Variants in DDR2 observed in about 807,000 individuals in gnomAD.
The protein encoded by DDR2 is discoidin domain receptor tyrosine kinase 2.
Under a neutral mutation model 94.9 loss-of-function variants are expected in DDR2, and 27 were observed. The observed-to-expected ratio is 0.28, with a 90% CI of 0.21 to 0.39. The LOEUF (loss-of-function observed/expected upper bound fraction) is 0.39. Among genes scored for constraint, DDR2 ranks in the 10% least tolerant of loss-of-function variants. DDR2 has a pLI of 1.00. For synonymous variants in DDR2, 382 were observed against 377.2 expected (o/e 1.01, Z -0.15); for missense variants, 783 against 1,076.0 (o/e 0.73, Z 3.81).
chr1:162,662,750 T>C (rs1470635530), intron 2 of DDR2, among the ~76,000 whole-genome samples: 1 of 152,128 alleles, frequency 6.6e-6, no homozygotes, highest in Non-Finnish European at 1.5e-5. Context: ...GAGTGTTTTA[T>C]AAATATGAAG....
intron 1 of DDR2, among the ~76,000 whole-genome samples, chr1:162,641,631 G>A (rs1657131355): frequency 6.6e-6 from 1 of 152,152 alleles, no homozygotes; most frequent in South Asian, 2.1e-4. Context: ...TTTGTTGTTG[G>A]AAAAATTTTT....
At chr1:162,636,534 A>C (rs867656525) in intron 1 of DDR2, among the ~76,000 whole-genome samples, 1 of 152,152 alleles carries the variant, frequency 6.6e-6, no homozygotes, top group Non-Finnish European at 1.5e-5. Context: ...TGTGAGTGAG[A>C]GGGAGAGGGC....
At position 162,776,674 on chromosome 1, in the gene DDR2, T is replaced by G. The variant is rs562631769; in HGVS notation, c.2283+304T>G. Among the ~76,000 whole-genome samples the G allele has an allele frequency of 2.6e-5, 4 of 152,338 alleles. No homozygotes were observed. In the South Asian group the frequency reaches 6.2e-4, roughly 24 times the overall value. ...TCTTAATTTAAGATATTAAAAACCT[T>G]ATCATTTAAAGAAATGTTACCTATA... On this transcript the variant is annotated intron_variant, in intron 16 of 17. Coordinates refer to ENST00000367921, the MANE Select transcript of DDR2 (RefSeq NM_006182.4).
intron 1 of DDR2, among the ~76,000 whole-genome samples, chr1:162,639,810 T>C (rs1318881588): frequency 6.6e-6 from 1 of 152,176 alleles, no homozygotes; most frequent in Non-Finnish European, 1.5e-5. Context: ...GAAATAGTAC[T>C]TCGAATTCTG....
chr1:162,765,214 G>A (rs1230780932), intron 9 of DDR2, among the ~76,000 whole-genome samples: 5 of 152,056 alleles, frequency 3.3e-5, no homozygotes, highest in Non-Finnish European at 5.9e-5. Context: ...GGGGTCTCTT[G>A]AGCTTTAAAT....
intron 2 of DDR2, among the ~76,000 whole-genome samples, chr1:162,686,668 C>T (rs1349643961): frequency 6.6e-6 from 1 of 152,186 alleles, no homozygotes; most frequent in Non-Finnish European, 1.5e-5. Flanking sequence ...AATAGTGCTG[C>T]AGTAAACATA....
intron 2 of DDR2, among the ~76,000 whole-genome samples, chr1:162,703,570 A>G (rs749702235): frequency 2.0e-5 from 3 of 152,176 alleles, no homozygotes; most frequent in Non-Finnish European, 4.4e-5. Context: ...TAAAAAGGGA[A>G]CAAAATTTAT....
At chr1:162,753,230 C>T (rs376936322) in intron 4 of DDR2, 33 bp downstream of exon 4, 1 of 1,598,868 alleles carries the variant, frequency 6.3e-7, no homozygotes, top group Non-Finnish European at 8.6e-7. Flanking sequence ...AGCCCATGTT[C>T]TGGGGTTGGG....
rs559354868 is a variant in DDR2 at position 162,724,543 on chromosome 1, C to T, written c.82+5398C>T. On this transcript the variant is annotated intron_variant, in intron 3 of 17. Transcript: ENST00000367921. ...CTGCACCAGGTTGTGCCTTTATCAC[C>T]GCTCCCTTGTCTTCCACCAAGACTG... 2.6e-5 allele frequency among the ~76,000 whole-genome samples: 4 copies of T among 152,246 alleles called. No individual in the cohort carries two copies. In the South Asian group the frequency reaches 8.3e-4, roughly 32 times the overall value.
At chr1:162,656,196 C>T (rs1417858572) in intron 2 of DDR2, among the ~76,000 whole-genome samples, 1 of 152,162 alleles carries the variant, frequency 6.6e-6, no homozygotes. Context: ...TCCTTCATGC[C>T]TGTGCCTCTA....
chr1:162,720,759 A>G (rs895997704), intron 3 of DDR2, among the ~76,000 whole-genome samples: 13 of 152,274 alleles, frequency 8.5e-5, no homozygotes, highest in African/African-American at 2.6e-4. Flanking sequence ...TTACCATCCC[A>G]TAGCAGTATA....
intron 1 of DDR2, among the ~76,000 whole-genome samples, chr1:162,634,795 G>C (rs1397901201): frequency 6.6e-6 from 1 of 152,188 alleles, no homozygotes; most frequent in East Asian, 1.9e-4. Flanking sequence ...GTTTAGTCAG[G>C]ACCAGTCCCC....
chr1:162,646,622 A>T (rs1412250325), intron 1 of DDR2, among the ~76,000 whole-genome samples: 1 of 152,170 alleles, frequency 6.6e-6, no homozygotes, highest in Non-Finnish European at 1.5e-5. Flanking sequence ...TTATGTCTCC[A>T]TTTCACATTG....
intron 2 of DDR2, among the ~76,000 whole-genome samples, chr1:162,708,551 G>A (rs1239394176): frequency 2.6e-5 from 4 of 152,164 alleles, no homozygotes; most frequent in Non-Finnish European, 5.9e-5. Context: ...TCACGGTATT[G>A]ATCAAGCAGC....
intron 3 of DDR2, among the ~76,000 whole-genome samples, chr1:162,728,085 GATATAATCACACTATATATATCTAT>G (rs1558049902): frequency 8.5e-4 from 104 of 122,216 alleles, no homozygotes; most frequent in African/African-American, 3.0e-3. Context: ...TCTATATATA[GATATAATCACACTATATATATCTAT>G]ATATAGATAT....
chr1:162,662,333 G>A (rs1257179003), intron 2 of DDR2, among the ~76,000 whole-genome samples: 2 of 152,166 alleles, frequency 1.3e-5, no homozygotes, highest in East Asian at 3.9e-4. Flanking sequence ...CTAGTTTCTT[G>A]ATCTGTGAGC....
chr1:162,716,898 A>G (rs1571235525), intron 2 of DDR2, among the ~76,000 whole-genome samples: 2 of 152,132 alleles, frequency 1.3e-5, no homozygotes, highest in Non-Finnish European at 2.9e-5. Context: ...TTCTCCATGA[A>G]GCCTTCCTTA....
At chr1:162,729,300 A>ATATATATATTTTTTTTTTT (rs1416872679) in intron 3 of DDR2, among the ~76,000 whole-genome samples, 1 of 94,016 alleles carries the variant, frequency 1.1e-5, no homozygotes, top group African/African-American at 5.3e-5. Context: ...ATATATATAT[A>ATATATATATTTTTTTTTTT]TTTTTTTTTT....
At position 162,786,920 on chromosome 1, in the gene DDR2, C is replaced by T. The variant is rs1229851175; in HGVS notation, c.*6674C>T. On this transcript the variant is annotated 3_prime_UTR_variant, in exon 18 of 18. Coordinates refer to ENST00000367921, the MANE Select transcript of DDR2 (RefSeq NM_006182.4). ...GGTTACAGACTTGTCTTGTTTGATA[C>T]ACAGAAATCCTTTTTAAATCCAAAT... is the stretch of plus-strand genomic sequence containing the variant. 6.6e-6 allele frequency: 1 copy of T among 152,136 alleles called. No individual in the cohort carries two copies. The highest frequency in any genetic ancestry group is 1.5e-5 in the Non-Finnish European group (1 of 68,030). 9.4% of individuals were successfully genotyped at this position (152,136 alleles called of 1,614,324 possible).
Sources: gnomAD v4.1 joint callset for allele counts (sites outside exome capture counted in the v4.1 genomes callset) on GRCh38, gnomAD v4.1.1 for gene constraint, MANE v1.5 for transcripts, NCBI Gene and HGNC (gene_info 2026-07-23, HGNC 2026-07-21) for gene names.